CHST11: variants seen among roughly 807,000 people sequenced by gnomAD.
The protein encoded by CHST11 is C4S-1.
Under a neutral mutation model 30.4 loss-of-function variants are expected in CHST11, and 9 were observed. The observed-to-expected ratio is 0.30, with a 90% CI of 0.18 to 0.52. The LOEUF (loss-of-function observed/expected upper bound fraction) is 0.52, where lower values mean the gene tolerates loss of function less well. Among genes scored for constraint, CHST11 ranks in the 20% least tolerant of loss-of-function variants. CHST11 has a pLI of 0.97. For synonymous variants in CHST11, 152 were observed against 187.8 expected (o/e 0.81, Z 1.56); for missense variants, 348 against 460.6 (o/e 0.76, Z 2.24).
chr12:104,662,666 T>A lies in CHST11; in HGVS notation c.204+60675T>A, dbSNP rs375820140. The stretch of plus-strand genomic sequence containing the variant: ...ATTCCCAGCTCACCAAGGTACCAGA[T>A]GGGAGATCAGGAGGTCTTTTGAGAA... On this transcript the variant is annotated intron_variant, in intron 2 of 2. Coordinates refer to ENST00000303694, the MANE Select transcript of CHST11 (RefSeq NM_018413.6). 5.8e-4 allele frequency among the ~76,000 whole-genome samples: 88 copies of A among 152,296 alleles called. 1 individual carries two copies. The highest frequency in any genetic ancestry group is 1.9e-3 in the African/African-American group (80 of 41,562).
chr12:104,516,601 G>T (rs551513851), intron 1 of CHST11, among the ~76,000 whole-genome samples: 1 of 152,092 alleles, frequency 6.6e-6, no homozygotes, highest in East Asian at 1.9e-4. Flanking sequence ...ACTCCAGGAG[G>T]GGAGACATAC....
intron 1 of CHST11, among the ~76,000 whole-genome samples, chr12:104,572,294 A>C (rs536358501): frequency 7.9e-5 from 12 of 152,084 alleles, no homozygotes; most frequent in Non-Finnish European, 1.5e-4. Context: ...GAATGGTACC[A>C]GCTCCTCCTT....
At chr12:104,572,396 G>A (rs1045202972) in intron 1 of CHST11, among the ~76,000 whole-genome samples, 2 of 152,032 alleles carry the variant, frequency 1.3e-5, no homozygotes, top group East Asian at 1.9e-4. Flanking sequence ...TTCAGAGCCT[G>A]TTATTGGTCT....
chr12:104,686,681 C>A (rs1189660593), intron 2 of CHST11, among the ~76,000 whole-genome samples: 1 of 152,132 alleles, frequency 6.6e-6, no homozygotes, highest in South Asian at 2.1e-4. Flanking sequence ...GAGTTTCATT[C>A]TTGTTGCCCA....
At chr12:104,678,629 G>C (rs895202003) in intron 2 of CHST11, among the ~76,000 whole-genome samples, 1 of 152,150 alleles carries the variant, frequency 6.6e-6, no homozygotes, top group African/African-American at 2.4e-5. Flanking sequence ...AATTGTATCA[G>C]TTATCCGTTG....
chr12:104,493,134 T>G (rs1308243896), intron 1 of CHST11, among the ~76,000 whole-genome samples: 1 of 152,182 alleles, frequency 6.6e-6, no homozygotes, highest in East Asian at 1.9e-4. Flanking sequence ...AGGTCAGATG[T>G]TTTTGACCAA....
chr12:104,556,427 G>T (rs557538733), intron 1 of CHST11, among the ~76,000 whole-genome samples: 1 of 152,182 alleles, frequency 6.6e-6, no homozygotes, highest in East Asian at 1.9e-4. Flanking sequence ...CATAAAGTGG[G>T]TTGCTTGAAA....
chr12:104,556,492 G>C (rs908823245), intron 1 of CHST11, among the ~76,000 whole-genome samples: 1 of 152,138 alleles, frequency 6.6e-6, no homozygotes, highest in Admixed American at 6.5e-5. Flanking sequence ...TGAAGGCTTG[G>C]TTCCTTCTGG....
intron 2 of CHST11, among the ~76,000 whole-genome samples, chr12:104,682,506 G>C (rs1592836556): frequency 6.6e-6 from 1 of 152,182 alleles, no homozygotes; most frequent in African/African-American, 2.4e-5. Context: ...ACCCTCCCTG[G>C]CCATCGGACA....
intron 1 of CHST11, among the ~76,000 whole-genome samples, chr12:104,588,532 G>A (rs147701536): frequency 9.9e-5 from 15 of 152,222 alleles, no homozygotes; most frequent in African/African-American, 2.9e-4. Flanking sequence ...ATGTCTTGCC[G>A]CCAAAGACCA....
intron 1 of CHST11, among the ~76,000 whole-genome samples, chr12:104,576,399 C>T (rs1466682660): frequency 6.6e-6 from 1 of 152,094 alleles, no homozygotes; most frequent in African/African-American, 2.4e-5. Context: ...TGCAGTGATG[C>T]AAAATGTGTG....
At chr12:104,727,515 C>T (rs1172732264) in intron 2 of CHST11, among the ~76,000 whole-genome samples, 3 of 152,338 alleles carry the variant, frequency 2.0e-5, no homozygotes, top group African/African-American at 4.8e-5. Context: ...GGCACATTCA[C>T]CACACCTTGG....
At position 104,759,131 on chromosome 12, in the gene CHST11, G is replaced by A. The variant is rs1179618215; in HGVS notation, c.*1328G>A. 3 of 152,112 alleles carry A rather than the reference G, an allele frequency of 2.0e-5. No homozygotes were observed. Among genetic ancestry groups the A allele is most frequent in the Non-Finnish European group, 4.4e-5 (3 of 68,018 alleles). 9.4% of individuals were successfully genotyped at this position (152,112 alleles called of 1,614,324 possible). On this transcript the variant is annotated 3_prime_UTR_variant, in exon 3 of 3. Transcript: ENST00000303694. ...CTCGTACACTTGGGGATTTGCAATG[G>A]TTTTTACCCCTCATGAAGGTCAGAG... is the stretch of plus-strand genomic sequence containing the variant.
chr12:104,577,096 C>T (rs2038690615), intron 1 of CHST11, among the ~76,000 whole-genome samples: 1 of 152,060 alleles, frequency 6.6e-6, no homozygotes, highest in South Asian at 2.1e-4. Context: ...CAACAAAAGA[C>T]CATGGTCACT....
At chr12:104,613,534 C>T (rs7298542) in intron 2 of CHST11, among the ~76,000 whole-genome samples, 31,470 of 151,996 alleles carry the variant, frequency 0.21, 3,774 homozygotes, top group Admixed American at 0.28. Flanking sequence ...TGAGTGAGTT[C>T]TCATGGGAAT....
chr12:104,569,500 T>C lies in CHST11; in HGVS notation c.119-32406T>C, dbSNP rs144473208. Among the ~76,000 whole-genome samples, 12 of 152,316 alleles carry C rather than the reference T, an allele frequency of 7.9e-5. 1 individual carries two copies. In the East Asian group the frequency reaches 2.3e-3, roughly 29 times the overall value. On this transcript the variant is annotated intron_variant, in intron 1 of 2. Transcript: ENST00000303694. ...ACTTAGGGGAAGAGCTCAGAGGATG[T>C]CTGAGTCCATTTTGCATCTTCATCA...
intron 2 of CHST11, among the ~76,000 whole-genome samples, chr12:104,641,361 C>A (rs897998637): frequency 2.6e-5 from 4 of 152,336 alleles, no homozygotes; most frequent in Middle Eastern, 3.4e-3. Context: ...TGTAACACTT[C>A]TTCCGGGGCT....
At chr12:104,659,242 G>T (rs1269084837) in intron 2 of CHST11, among the ~76,000 whole-genome samples, 1 of 152,228 alleles carries the variant, frequency 6.6e-6, no homozygotes, top group Non-Finnish European at 1.5e-5. Flanking sequence ...GGCAAGTGAT[G>T]TAGCCTCTCT....
chr12:104,719,925 C>T (rs1007000319), intron 2 of CHST11, among the ~76,000 whole-genome samples: 2 of 152,222 alleles, frequency 1.3e-5, no homozygotes, highest in Non-Finnish European at 2.9e-5. Flanking sequence ...CACCCATTTC[C>T]TGGAGGAAAA....
Sources: gnomAD v4.1 joint callset for allele counts (sites outside exome capture counted in the v4.1 genomes callset) on GRCh38, gnomAD v4.1.1 for gene constraint, MANE v1.5 for transcripts, NCBI Gene and HGNC (gene_info 2026-07-23, HGNC 2026-07-21) for gene names.